The following TRIM11 variants were observed in gnomAD, a reference collection of about 807,000 sequenced individuals.
TRIM11 encodes the protein E3 ubiquitin-protein ligase TRIM11.
Under a neutral mutation model 33.4 loss-of-function variants are expected in TRIM11, and 15 were observed. That is an observed-to-expected ratio of 0.45 (90% CI 0.30 to 0.69). The LOEUF is 0.69. Among genes scored for constraint, TRIM11 ranks in the 30% least tolerant of loss-of-function variants. The pLI, the probability that TRIM11 is intolerant of heterozygous loss-of-function variation, is 0.08. For synonymous variants in TRIM11, 281 were observed against 302.6 expected (o/e 0.93, Z 0.74); for missense variants, 499 against 667.6 (o/e 0.75, Z 2.78).
In TRIM11 at chr1:228,400,952, C is replaced by A; in HGVS notation, c.735+12G>T. ...CCGTGTGGCCACCATGGCTGCTCCCCGCCCAGCTCACCTGCAGCAGCCCCA... is the reference window on the plus strand; with the variant it reads ...CCGTGTGGCCACCATGGCTGCTCCCAGCCCAGCTCACCTGCAGCAGCCCCA... On this transcript the variant is annotated intron_variant, in intron 3 of 5. Transcript: ENST00000284551. The surrounding 1 kb of genome is among the most constrained non-coding windows in gnomAD (Gnocchi z 4.5). The A allele has an allele frequency of 6.5e-7, 1 of 1,547,168 alleles. No individual in the cohort carries two copies. The highest frequency in any genetic ancestry group is 2.3e-5 in the East Asian group (1 of 43,084).
At position 228,395,479 on chromosome 1, in the gene TRIM11, A is replaced by G. The variant is rs959459304; in HGVS notation, c.860-227T>C. Reference sequence around the variant, plus strand: ...CTTACAATGTCCTACAAATTGGTCCATGTTTTGCCTTCAGATATCAAGAGG... The same window carrying G: ...CTTACAATGTCCTACAAATTGGTCCGTGTTTTGCCTTCAGATATCAAGAGG... On this transcript the variant is annotated intron_variant, in intron 5 of 5. Coordinates refer to ENST00000284551, the MANE Select transcript of TRIM11 (RefSeq NM_145214.3). The surrounding 1 kb of genome is among the most constrained non-coding windows in gnomAD (Gnocchi z 4.8). 13 of 403,480 alleles carry G rather than the reference A, an allele frequency of 3.2e-5. No individual in the cohort carries two copies. Among genetic ancestry groups the G allele is most frequent in the Non-Finnish European group, 5.1e-5 (12 of 234,230 alleles). 25.0% of individuals were successfully genotyped at this position (403,480 alleles called of 1,614,324 possible).
Position 228,394,918 on chromosome 1 carries a change from C to A in TRIM11, c.1194G>T (p.Arg398=). ...AGATCCCCACGCGCCTGGGTGGGTC[C>A]CGGAGTGGAGCCAAGGCCCGTTCCG... The part of the protein sequence containing the change: ...NSSERALAPL[R]DPPRRVGIFL... The change falls in exon 6 of 6, where the codon CGG becomes CGT. Residue 398 remains arginine (R), a synonymous_variant. Coordinates refer to ENST00000284551, the MANE Select transcript of TRIM11 (RefSeq NM_145214.3). The surrounding 1 kb of genome is among the most constrained non-coding windows in gnomAD (Gnocchi z 6.2). The A allele has an allele frequency of 6.2e-7, 1 of 1,614,132 alleles. No individual in the cohort carries two copies. The highest frequency in any genetic ancestry group is 8.5e-7 in the Non-Finnish European group (1 of 1,180,020).
chr1:228,396,741 A>G (rs1193151720), intron 5 of TRIM11: 1 of 720,100 alleles, frequency 1.4e-6, no homozygotes, highest in Admixed American at 2.0e-5. Context: ...ATTCGTTTCC[A>G]GAAGTTGAAG....
Position 228,406,755 on chromosome 1 carries a change from G to A in TRIM11, c.-194C>T, listed in dbSNP as rs2149095893. ...GGGCGCAGGACTCTGGGTTTCGGTA[G>A]CGCTGGGCGCGTAGGCTCCGAGCGC... On this transcript the variant is annotated 5_prime_UTR_variant, in exon 1 of 6. Transcript: ENST00000284551. This position sits in a 1 kb window ranked among gnomAD's most constrained non-coding sequence, Gnocchi z 8.2. 6.9e-6 allele frequency: 3 copies of A among 433,376 alleles called. No homozygotes were observed. The highest frequency in any genetic ancestry group is 6.3e-4 in the Middle Eastern group (1 of 1,592). The allele number at this position is 433,376 out of a possible 1,614,324, so 26.8% of individuals were successfully genotyped here.
In TRIM11 at chr1:228,395,377, T is replaced by A; in HGVS notation, c.860-125A>T. 1.9e-6 allele frequency: 2 copies of A among 1,031,806 alleles called. No homozygotes were observed. Among genetic ancestry groups the A allele is most frequent in the Non-Finnish European group, 2.6e-6 (2 of 779,450 alleles). 63.9% of individuals were successfully genotyped at this position (1,031,806 alleles called of 1,614,324 possible). ...GGCCTGGCTCTCTGCCCTGGGCCTG[T>A]AGCCTCACAACCTCCTGGAGTAACT... On this transcript the variant is annotated intron_variant, in intron 5 of 5. Transcript: ENST00000284551. This position sits in a 1 kb window ranked among gnomAD's most constrained non-coding sequence, Gnocchi z 4.8.
In TRIM11 at chr1:228,402,082, G is replaced by A. The variant is rs1333145239; in HGVS notation, c.488C>T (p.Thr163Ile). Residue 163 changes from threonine (T) to isoleucine (I), a missense_variant, in exon 2 of 6, where the codon ACC becomes ATC. Thr to Ile is a moderately conservative substitution (Grantham distance 89, BLOSUM62 -1). Transcript: ENST00000284551. The stretch of plus-strand genomic sequence containing the variant: ...AGCACCTGCCTGCCACAAGACGCAG[G>A]TCTCATCCGCCTGGGCTTGGAACAG... ...ALLFQAQADE[T>I]CVLWQKMVES... 12 of 1,612,710 alleles carry A rather than the reference G, an allele frequency of 7.4e-6. No homozygotes were observed. The highest frequency in any genetic ancestry group is 1.0e-5 in the Non-Finnish European group (12 of 1,179,356).
Position 228,397,058 on chromosome 1 carries a change from C to T in TRIM11, c.759-11G>A, listed in dbSNP as rs2074992533. The T allele has an allele frequency of 6.2e-7, 1 of 1,613,908 alleles. No homozygotes were observed. Among genetic ancestry groups the T allele is most frequent in the South Asian group, 1.1e-5 (1 of 91,082 alleles). On this transcript the variant is annotated splice_polypyrimidine_tract_variant and intron_variant, in intron 4 of 5. Transcript: ENST00000284551. ...TTCACATCCTGGACCCTAGAGGGGA[C>T]AACCCAGGTGTTGTCGCCATGGCCA...
At chr1:228,404,195 T>C (rs1196420375) in intron 1 of TRIM11, 3 of 152,254 alleles carry the variant, frequency 2.0e-5, no homozygotes, top group African/African-American at 7.2e-5. Context: ...GCAAACCCCC[T>C]CCCCACACAA....
At position 228,401,210 on chromosome 1, in the gene TRIM11, A is replaced by G. The variant is rs1158935784; in HGVS notation, c.505-16T>C. ...CCACCATCTTCTGTGGAGCCCAGGG[A>G]GAAGGACAGCTGAGGCCAGACCCCA... On this transcript the variant is annotated splice_polypyrimidine_tract_variant and intron_variant, in intron 2 of 5. Coordinates refer to ENST00000284551, the MANE Select transcript of TRIM11 (RefSeq NM_145214.3). This position sits in a 1 kb window ranked among gnomAD's most constrained non-coding sequence, Gnocchi z 6.1. 6.2e-7 allele frequency: 1 copy of G among 1,609,672 alleles called. No homozygotes were observed. Among genetic ancestry groups the G allele is most frequent in the Admixed American group, 1.7e-5 (1 of 59,856 alleles).
rs1656134430 is a variant in TRIM11, at chr1:228,400,144, G to C, written c.735+820C>G. Among the ~76,000 whole-genome samples, 1 of 152,214 alleles carries C rather than the reference G, an allele frequency of 6.6e-6. No individual in the cohort carries two copies. The highest frequency in any genetic ancestry group is 6.5e-5 in the Admixed American group (1 of 15,286). The stretch of plus-strand genomic sequence containing the variant: ...CCTCTGTGGGAGCCAGAATTGCCCA[G>C]GGGCCCATTTCCCTCTGAATCTTGG... On this transcript the variant is annotated intron_variant, in intron 3 of 5. Transcript: ENST00000284551. This position sits in a 1 kb window ranked among gnomAD's most constrained non-coding sequence, Gnocchi z 4.5.
At position 228,395,535 on chromosome 1, in the gene TRIM11, A is replaced by C; in HGVS notation, c.860-283T>G. The C allele has an allele frequency of 3.4e-6, 1 of 297,346 alleles. No individual in the cohort carries two copies. Among genetic ancestry groups the C allele is most frequent in the Admixed American group, 5.0e-5 (1 of 19,962 alleles). The allele number at this position is 297,346 out of a possible 1,614,324, so 18.4% of individuals were successfully genotyped here. A position where few individuals can be genotyped will look rare whatever the true frequency, so the allele number is the denominator to read the frequency against. On this transcript the variant is annotated intron_variant, in intron 5 of 5. Coordinates refer to ENST00000284551, the MANE Select transcript of TRIM11 (RefSeq NM_145214.3). The surrounding 1 kb of genome is among the most constrained non-coding windows in gnomAD (Gnocchi z 4.8). ...TTGGTTGCTTTTTTTTTTTTTTTTAAAGAGGCAGGGTCTTGCTCTGTGGCC... is the reference window on the plus strand; with the variant it reads ...TTGGTTGCTTTTTTTTTTTTTTTTACAGAGGCAGGGTCTTGCTCTGTGGCC...
rs918441663 is a variant in TRIM11 at position 228,401,469 on chromosome 1, C to A, written c.505-275G>T. Reference sequence around the variant, plus strand: ...ATTCTACCACACAGGACTGGCTAGACCCCAAATCTAAACCCAGGGCCGACT... The same window carrying A: ...ATTCTACCACACAGGACTGGCTAGAACCCAAATCTAAACCCAGGGCCGACT... On this transcript the variant is annotated intron_variant, in intron 2 of 5. Transcript: ENST00000284551. This position sits in a 1 kb window ranked among gnomAD's most constrained non-coding sequence, Gnocchi z 6.1. Among the ~76,000 whole-genome samples, 2 of 152,120 alleles carry A rather than the reference C, an allele frequency of 1.3e-5. No homozygotes were observed. Among genetic ancestry groups the A allele is most frequent in the Admixed American group, 1.3e-4 (2 of 15,276 alleles).
Position 228,400,829 on chromosome 1 carries a change from C to T in TRIM11, c.735+135G>A. Reference sequence around the variant, plus strand: ...GCATTTCACAGGCAACAGCCAGGCACATCCAGCCATGCCATTCACCTCTCA... The same window carrying T: ...GCATTTCACAGGCAACAGCCAGGCATATCCAGCCATGCCATTCACCTCTCA... On this transcript the variant is annotated intron_variant, in intron 3 of 5. Coordinates refer to ENST00000284551, the MANE Select transcript of TRIM11 (RefSeq NM_145214.3). The surrounding 1 kb of genome is among the most constrained non-coding windows in gnomAD (Gnocchi z 4.5). The T allele has an allele frequency of 2.8e-6, 4 of 1,405,350 alleles. No individual in the cohort carries two copies. Among genetic ancestry groups the T allele is most frequent in the African/African-American group, 1.5e-5 (1 of 68,870 alleles). The allele number at this position is 1,405,350 out of a possible 1,614,324, so 87.1% of individuals were successfully genotyped here. A position where few individuals can be genotyped will look rare whatever the true frequency, so the allele number is the denominator to read the frequency against.
intron 5 of TRIM11, chr1:228,396,594 C>T (rs2074988432): frequency 1.5e-6 from 1 of 669,162 alleles, no homozygotes; most frequent in Admixed American, 2.1e-5. Context: ...ATGGGCAGCC[C>T]CTGGAAGTTG....
At position 228,401,932 on chromosome 1, in the gene TRIM11, C is replaced by A; in HGVS notation, c.504+134G>T. ...CAGCCCTTCAGTGGGCTCGGTGGGGCCAGGCTGAAGCAGTGACTGGTCCTG... is the reference window on the plus strand; with the variant it reads ...CAGCCCTTCAGTGGGCTCGGTGGGGACAGGCTGAAGCAGTGACTGGTCCTG... On this transcript the variant is annotated intron_variant, in intron 2 of 5. Transcript: ENST00000284551. The surrounding 1 kb of genome is among the most constrained non-coding windows in gnomAD (Gnocchi z 6.1). 1 of 589,882 alleles carries A rather than the reference C, an allele frequency of 1.7e-6. No individual in the cohort carries two copies. Among genetic ancestry groups the A allele is most frequent in the Non-Finnish European group, 2.8e-6 (1 of 362,778 alleles). The allele number at this position is 589,882 out of a possible 1,614,324, so 36.5% of individuals were successfully genotyped here. A position where few individuals can be genotyped will look rare whatever the true frequency, so the allele number is the denominator to read the frequency against.
At position 228,406,327 on chromosome 1, in the gene TRIM11, G is replaced by T; in HGVS notation, c.235C>A (p.Arg79=). The change falls in exon 1 of 6, where the codon CGG becomes AGG. Residue 79 remains arginine, a synonymous_variant. Transcript: ENST00000284551. This position sits in a 1 kb window ranked among gnomAD's most constrained non-coding sequence, Gnocchi z 8.2. ...ACCGGCGACGGCGGGTGCAGGCGCC[G>T]CGCCATCTCGGCCATCTTAGCAAGC... ...RPLAKMAEMA[R]RLHPPSPVPQ... is the part of the protein sequence containing the mutation. 6.8e-7 allele frequency: 1 copy of T among 1,471,842 alleles called. No homozygotes were observed. The highest frequency in any genetic ancestry group is 2.8e-5 in the East Asian group (1 of 36,214). 91.2% of individuals were successfully genotyped at this position (1,471,842 alleles called of 1,614,324 possible).
chr1:228,405,927 T>G, intron 1 of TRIM11: 3 of 408,638 alleles, frequency 7.3e-6, no homozygotes, highest in East Asian at 7.6e-5. Context: ...TTGGCGGCCA[T>G]GGTCCCAGCC....
Position 228,401,260 on chromosome 1 carries a change from T to A in TRIM11, c.505-66A>T. The stretch of plus-strand genomic sequence containing the variant: ...AGGCCCAGCCAGACCCCAAGTTTGG[T>A]CAGACCCCAAGCCCACCCAGAGGCC... On this transcript the variant is annotated intron_variant, in intron 2 of 5. Transcript: ENST00000284551. This position sits in a 1 kb window ranked among gnomAD's most constrained non-coding sequence, Gnocchi z 6.1. 1 of 1,551,438 alleles carries A rather than the reference T, an allele frequency of 6.4e-7. No individual in the cohort carries two copies.
At chr1:228,404,323 G>C (rs973934152) in intron 1 of TRIM11, 2 of 152,360 alleles carry the variant, frequency 1.3e-5, no homozygotes, top group Non-Finnish European at 2.9e-5. Flanking sequence ...GGGCAACCCA[G>C]CCTGGGGCTT....
Sources: allele counts gnomAD v4.1 joint callset (sites outside exome capture counted in the v4.1 genomes callset), GRCh38; gene constraint gnomAD v4.1.1; non-coding constraint Gnocchi (gnomAD v3.1); transcripts MANE v1.5; gene names NCBI Gene and HGNC (gene_info 2026-07-23, HGNC 2026-07-21).